SRL: variants seen among roughly 807,000 people sequenced by gnomAD.
The protein encoded by SRL is sarcalumenin.
SRL carries 23 observed loss-of-function variants against 39.5 expected under a neutral mutation model. The ratio of observed to expected loss-of-function variants is 0.58; its 90% CI spans 0.42 to 0.82. SRL has a LOEUF of 0.82. Among genes scored for constraint, SRL ranks in the 40% least tolerant of loss-of-function variants. The pLI is 0.00. For missense variants in SRL, 592 were observed against 607.8 expected, an observed-to-expected ratio of 0.97 and a Z score of 0.27; for synonymous variants, 272 against 237.4, an observed-to-expected ratio of 1.15 and a Z score of -1.34.
At chr16:4,236,572 C>G (rs1422420437) in intron 1 of SRL, among the ~76,000 whole-genome samples, 2 of 152,064 alleles carry the variant, frequency 1.3e-5, no homozygotes, top group African/African-American at 4.8e-5. Flanking sequence ...CCCTCCTAAG[C>G]TCCAGTCCTG....
intron 1 of SRL, among the ~76,000 whole-genome samples, chr16:4,221,367 C>A (rs1236093137): frequency 6.6e-6 from 1 of 152,188 alleles, no homozygotes; most frequent in Non-Finnish European, 1.5e-5. Flanking sequence ...TTTTCTTTTC[C>A]CTTGGCAGCC....
Position 4,203,157 on chromosome 16 carries a change from A to G in SRL, c.259+9T>C. The G allele has an allele frequency of 6.2e-7, 1 of 1,609,726 alleles. No homozygotes were observed. The highest frequency in any genetic ancestry group is 8.5e-7 in the Non-Finnish European group (1 of 1,176,534). ...AATCTCAAGCCCTACCTGTTATCTC[A>G]AGCCCTACCTGTGATCTCATGCTGC... On this transcript the variant is annotated intron_variant, in intron 3 of 5. Transcript: ENST00000399609.
intron 4 of SRL, 38 bp from the exon 5 acceptor site, chr16:4,195,824 C>T: frequency 6.5e-7 from 1 of 1,541,670 alleles, no homozygotes; most frequent in Non-Finnish European, 8.9e-7. Flanking sequence ...AATACATGAT[C>T]TCTGTGAAAC....
intron 3 of SRL, among the ~76,000 whole-genome samples, chr16:4,199,211 A>C (rs1002887577): frequency 6.6e-6 from 1 of 152,112 alleles, no homozygotes; most frequent in African/African-American, 2.4e-5. Flanking sequence ...CAGGAATATA[A>C]AAAGGTAAAC....
At chr16:4,212,728 C>G (rs2052409524) in intron 1 of SRL, among the ~76,000 whole-genome samples, 1 of 152,132 alleles carries the variant, frequency 6.6e-6, no homozygotes, top group South Asian at 2.1e-4. Flanking sequence ...GAAGGCCCCA[C>G]CCCACTCACA....
intron 1 of SRL, among the ~76,000 whole-genome samples, chr16:4,233,431 C>T (rs2052679494): frequency 6.6e-6 from 1 of 152,156 alleles, no homozygotes; most frequent in Non-Finnish European, 1.5e-5. Flanking sequence ...GCACAGCTTC[C>T]ACCCTCCCCA....
At chr16:4,236,418 C>A (rs1357628789) in intron 1 of SRL, among the ~76,000 whole-genome samples, 1 of 152,130 alleles carries the variant, frequency 6.6e-6, no homozygotes, top group Non-Finnish European at 1.5e-5. Context: ...TCTTCTTCCT[C>A]TTCCTACTCC....
chr16:4,204,863 A>T (rs546737876), intron 1 of SRL, among the ~76,000 whole-genome samples: 1 of 152,360 alleles, frequency 6.6e-6, no homozygotes, highest in East Asian at 1.9e-4. Context: ...CTCAACCTGC[A>T]GAAACCTTCT....
Position 4,236,801 on chromosome 16 carries a change from G to A in SRL, c.61+5206C>T, listed in dbSNP as rs181236972. 3.7e-3 allele frequency among the ~76,000 whole-genome samples: 565 copies of A among 151,912 alleles called. 5 individuals are homozygous for A. The highest frequency in any genetic ancestry group is 0.013 in the African/African-American group (547 of 41,426). ...TGGGATTACAGGCGCATGCCACTAC[G>A]CCCGGCTAATTTTTTGTATTTTTAG... On this transcript the variant is annotated intron_variant, in intron 1 of 5. Coordinates refer to ENST00000399609, the MANE Select transcript of SRL (RefSeq NM_001098814.2).
At position 4,192,653 on chromosome 16, in the gene SRL, G is replaced by A. The variant is rs768459817; in HGVS notation, c.922C>T (p.Leu308Phe). The A allele has an allele frequency of 1.9e-6, 3 of 1,614,132 alleles. No homozygotes were observed. Among genetic ancestry groups the A allele is most frequent in the East Asian group, 4.5e-5 (2 of 44,884 alleles). Residue 308 changes from leucine to phenylalanine, a missense_variant, in exon 6 of 6, where the codon CTC (leucine) becomes TTC (phenylalanine). Physicochemically the swap from Leu to Phe is conservative, Grantham distance 22 (BLOSUM62 0). Transcript: ENST00000399609. This position sits in a 1 kb window ranked among gnomAD's most constrained non-coding sequence, Gnocchi z 4.0. ...YKPDTHQELF[L>F]QEEISLLEDL... is the part of the protein sequence containing the mutation. ...TCTAGGAGGGAGATCTCTTCTTGGAGGAACAGTTCCTGATGGGTGTCCGGC... is the reference window on the plus strand; with the variant it reads ...TCTAGGAGGGAGATCTCTTCTTGGAAGAACAGTTCCTGATGGGTGTCCGGC...
Position 4,195,632 on chromosome 16 carries a change from C to T in SRL, c.531G>A (p.Glu177=). The change falls in exon 5 of 6, where the codon GAG becomes GAA. Residue 177 remains glutamate, a synonymous_variant. Transcript: ENST00000399609. ...CCCTCTCCAGAAGTTTGTGGGGAAC[C>T]TCAATGCCAATCAGCTTCTCTAGGA... ...QNFLEKLIGI[E]VPHKLLERVT... is the part of the protein sequence containing the mutation. The T allele has an allele frequency of 3.1e-6, 5 of 1,614,190 alleles. No homozygotes were observed. The highest frequency in any genetic ancestry group is 4.2e-6 in the Non-Finnish European group (5 of 1,180,052).
At chr16:4,228,547 A>G (rs1001307214) in intron 1 of SRL, among the ~76,000 whole-genome samples, 14 of 152,132 alleles carry the variant, frequency 9.2e-5, no homozygotes, top group African/African-American at 2.7e-4. Flanking sequence ...CATCCTGGCT[A>G]ACACGGTGAA....
intron 1 of SRL, among the ~76,000 whole-genome samples, chr16:4,236,022 C>A (rs1441405929): frequency 6.6e-6 from 1 of 151,948 alleles, no homozygotes; most frequent in Admixed American, 6.6e-5. Context: ...CTGCAGTGAG[C>A]CTTGATCAAC....
chr16:4,221,687 T>C (rs1432026529), intron 1 of SRL, among the ~76,000 whole-genome samples: 1 of 152,206 alleles, frequency 6.6e-6, no homozygotes, highest in African/African-American at 2.4e-5. Context: ...CAAAGCACTA[T>C]AAACTTAGTG....
At position 4,222,500 on chromosome 16, in the gene SRL, C is replaced by A. The variant is rs760949017; in HGVS notation, c.62-17866G>T. On this transcript the variant is annotated intron_variant, in intron 1 of 5. Coordinates refer to ENST00000399609, the MANE Select transcript of SRL (RefSeq NM_001098814.2). ...ATGTTGCCCAGGCTGGTCTTGAACT[C>A]CTGACTCAGGTGATCCACCCGCCTC... is the stretch of plus-strand genomic sequence containing the variant. 1.7e-3 allele frequency among the ~76,000 whole-genome samples: 252 copies of A among 152,280 alleles called. 4 individuals carry two copies. Among genetic ancestry groups the A allele is most frequent in the East Asian group, 7.8e-4 (4 of 5,148 alleles).
At chr16:4,214,136 A>G (rs2052426719) in intron 1 of SRL, among the ~76,000 whole-genome samples, 1 of 152,182 alleles carries the variant, frequency 6.6e-6, no homozygotes, top group African/African-American at 2.4e-5. Flanking sequence ...CTCTGTCTTG[A>G]AGTTGAAACT....
chr16:4,228,747 A>T (rs2052625980), intron 1 of SRL, among the ~76,000 whole-genome samples: 1 of 152,062 alleles, frequency 6.6e-6, no homozygotes, highest in Admixed American at 6.5e-5. Context: ...AAAAAAAAGA[A>T]AAAAAGAAAG....
intron 3 of SRL, 39 bp downstream of exon 3, chr16:4,203,127 C>T (rs376619944): frequency 1.2e-4 from 186 of 1,580,470 alleles, no homozygotes; most frequent in Middle Eastern, 5.0e-4. Flanking sequence ...CTGCGCCGTA[C>T]CCGTAATCTC....
chr16:4,204,930 G>A (rs1394040971), intron 1 of SRL, among the ~76,000 whole-genome samples: 1 of 152,126 alleles, frequency 6.6e-6, no homozygotes, highest in Non-Finnish European at 1.5e-5. Flanking sequence ...GCCACGCCAG[G>A]CACTGAGCAT....
Sources: gnomAD v4.1 joint callset for allele counts (sites outside exome capture counted in the v4.1 genomes callset) on GRCh38, gnomAD v4.1.1 for gene constraint, Gnocchi (gnomAD v3.1) non-coding constraint, MANE v1.5 for transcripts, NCBI Gene and HGNC (gene_info 2026-07-23, HGNC 2026-07-21) for gene names.